Variants in LDB3 observed in about 807,000 individuals in gnomAD.
LDB3 encodes the protein LIM domain binding 3.
A neutral mutation model predicts 69.0 loss-of-function variants in LDB3; 49 were observed. That is an observed-to-expected ratio of 0.71 (90% confidence interval 0.56 to 0.90). The LOEUF (loss-of-function observed/expected upper bound fraction) is 0.90, where lower values mean the gene tolerates loss of function less well. Ranked by LOEUF, LDB3 falls within the 40% of genes least tolerant of loss-of-function variation. The pLI is 0.00. For synonymous variants in LDB3, 387 were observed against 396.2 expected, an observed-to-expected ratio of 0.98 and a Z score of 0.28; for missense variants, 928 against 974.1, an observed-to-expected ratio of 0.95 and a Z score of 0.63.
intron 7 of LDB3, among the ~76,000 whole-genome samples, chr10:86,696,298 A>G (rs1309913707): frequency 6.6e-6 from 1 of 151,358 alleles, no homozygotes; most frequent in African/African-American, 2.4e-5. Context: ...CCCTTGTAAG[A>G]AAGCAATGAA....
intron 12 of LDB3, among the ~76,000 whole-genome samples, chr10:86,721,998 G>A (rs1191399501): frequency 1.3e-5 from 2 of 151,952 alleles, no homozygotes; most frequent in African/African-American, 4.8e-5. Context: ...AATATATGAG[G>A]AGCTAGATTA....
In LDB3 at chr10:86,735,780, A is replaced by C. The variant is rs1847612186; in HGVS notation, c.*2804A>C. On this transcript the variant is annotated 3_prime_UTR_variant, in exon 14 of 14. Coordinates refer to ENST00000361373, the MANE Select transcript of LDB3 (RefSeq NM_007078.3). ...GGCAACAGGAGCGAAACTCCGTTGC[A>C]AAAAAAAAAAAAAAAAAAAAATTAT... is the stretch of plus-strand genomic sequence containing the variant. The C allele has an allele frequency of 3.0e-5, 3 of 101,640 alleles. No individual in the cohort carries two copies. The highest frequency in any genetic ancestry group is 5.9e-5 in the Non-Finnish European group (3 of 50,800). 6.3% of individuals were successfully genotyped at this position (101,640 alleles called of 1,614,324 possible).
At chr10:86,727,532 G>A (rs556510507) in intron 13 of LDB3, among the ~76,000 whole-genome samples, 10 of 152,178 alleles carry the variant, frequency 6.6e-5, no homozygotes, top group Non-Finnish European at 1.2e-4. Context: ...GGGACACACT[G>A]TATTCACTCT....
At chr10:86,694,397 C>T (rs998016665) in intron 7 of LDB3, among the ~76,000 whole-genome samples, 3 of 152,146 alleles carry the variant, frequency 2.0e-5, no homozygotes, top group African/African-American at 7.2e-5. Flanking sequence ...CGGAGCCTCT[C>T]CCCCAGCTAC....
intron 9 of LDB3, among the ~76,000 whole-genome samples, chr10:86,713,372 G>A (rs1020887349): frequency 2.0e-5 from 3 of 151,872 alleles, no homozygotes; most frequent in Non-Finnish European, 4.4e-5. Flanking sequence ...TTAGCCTCCC[G>A]AGTAGCTGGG....
chr10:86,716,507 C>T lies in LDB3; in HGVS notation c.1412C>T (p.Pro471Leu). The part of the protein sequence containing the change: ...YTPSPAPNYN[P>L]APSVAYSGGP... ...CCCTCACCTGCCCCCAACTATAACC[C>T]TGCACCCTCGGTGGCCTACAGCGGG... Residue 471 changes from proline to leucine, a missense_variant, in exon 10 of 14, where the codon CCT becomes CTT. By Grantham distance (98) the Pro-to-Leu change is moderately conservative. Transcript: ENST00000361373. The T allele has an allele frequency of 6.2e-7, 1 of 1,612,886 alleles. No individual in the cohort carries two copies. The highest frequency in any genetic ancestry group is 8.5e-7 in the Non-Finnish European group (1 of 1,179,738).
chr10:86,692,608 C>A (rs1335305315), intron 7 of LDB3, 37 bp downstream of exon 7: 2 of 1,599,280 alleles, frequency 1.3e-6, no homozygotes, highest in Non-Finnish European at 1.7e-6. Context: ...GCCTTGCCCT[C>A]TAGCCCCGTC....
chr10:86,721,099 C>T (rs1007495183), intron 12 of LDB3, among the ~76,000 whole-genome samples: 3 of 152,196 alleles, frequency 2.0e-5, no homozygotes, highest in African/African-American at 7.2e-5. Context: ...CATGAGCCAC[C>T]GTGCCTATTT....
chr10:86,735,752 C>T lies in LDB3; in HGVS notation c.*2776C>T, dbSNP rs1387199068. The T allele has an allele frequency of 7.2e-6, 1 of 138,452 alleles. No individual in the cohort carries two copies. Among genetic ancestry groups the T allele is most frequent in the African/African-American group, 2.8e-5 (1 of 35,536 alleles). The allele number at this position is 138,452 out of a possible 1,614,324, so 8.6% of individuals were successfully genotyped here. A position where few individuals can be genotyped will look rare whatever the true frequency, so the allele number is the denominator to read the frequency against. ...CGAGATTATGCCATTGCACTCCAGC[C>T]TGGGCAACAGGAGCGAAACTCCGTT... On this transcript the variant is annotated 3_prime_UTR_variant, in exon 14 of 14. Transcript: ENST00000361373.
chr10:86,692,085 G>T lies in LDB3; in HGVS notation c.859+20G>T, dbSNP rs1195062605. The T allele has an allele frequency of 6.2e-7, 1 of 1,613,656 alleles. No homozygotes were observed. The highest frequency in any genetic ancestry group is 1.7e-5 in the Admixed American group (1 of 60,014). On this transcript the variant is annotated intron_variant, in intron 6 of 13. Coordinates refer to ENST00000361373, the MANE Select transcript of LDB3 (RefSeq NM_007078.3). Reference sequence around the variant, plus strand: ...AATTCAGTGAGTGCAGGCTCTCAGGGTGGCTGCAGAGGAGGGAGATGCTGA... The same window carrying T: ...AATTCAGTGAGTGCAGGCTCTCAGGTTGGCTGCAGAGGAGGGAGATGCTGA...
At chr10:86,675,294 G>A (rs1844734145) in intron 2 of LDB3, among the ~76,000 whole-genome samples, 1 of 152,270 alleles carries the variant, frequency 6.6e-6, no homozygotes, top group Non-Finnish European at 1.5e-5. Flanking sequence ...GCCTGTGGGA[G>A]AAAGATGTCT....
At chr10:86,710,376 G>A (rs1036782754) in intron 9 of LDB3, 6 of 538,776 alleles carry the variant, frequency 1.1e-5, no homozygotes, top group Non-Finnish European at 1.2e-5. Flanking sequence ...GATCGCCTGA[G>A]GTCGGGAGTT....
Position 86,697,538 on chromosome 10 carries a change from TTTC to T in LDB3, c.896+4970_896+4972del, listed in dbSNP as rs1220388527. Among the ~76,000 whole-genome samples, 11 of 146,184 alleles carry T rather than the reference TTTC, an allele frequency of 7.5e-5. No homozygotes were observed. The East Asian group carries it at 2.3e-3, about 30-fold the overall frequency. On this transcript the variant is annotated intron_variant, in intron 7 of 13. Coordinates refer to ENST00000361373, the MANE Select transcript of LDB3 (RefSeq NM_007078.3). ...GCCCGGCCAACTTCTTTTTTTTCTT[TTTC>T]TTTCTTTCTTTTTTTTTTTTTTTTT...
chr10:86,699,284 G>T lies in LDB3; in HGVS notation c.896+6713G>T. Reference sequence around the variant, plus strand: ...CTCTCTCTCTGTGCCACAGGGAAAGGTTTGAAACGGAACGTAACAGCCCAC... The same window carrying T: ...CTCTCTCTCTGTGCCACAGGGAAAGTTTTGAAACGGAACGTAACAGCCCAC... On this transcript the variant is annotated intron_variant, in intron 7 of 13. Transcript: ENST00000361373. This position sits in a 1 kb window ranked among gnomAD's most constrained non-coding sequence, Gnocchi z 4.9. 2 of 1,612,742 alleles carry T rather than the reference G, an allele frequency of 1.2e-6. No homozygotes were observed. Among genetic ancestry groups the T allele is most frequent in the South Asian group, 2.2e-5 (2 of 91,056 alleles).
Position 86,699,157 on chromosome 10 carries a change from T to C in LDB3, c.896+6586T>C. On this transcript the variant is annotated intron_variant, in intron 7 of 13. Coordinates refer to ENST00000361373, the MANE Select transcript of LDB3 (RefSeq NM_007078.3). This position sits in a 1 kb window ranked among gnomAD's most constrained non-coding sequence, Gnocchi z 4.9. ...TCCCTCCCATGCCCTCTGCCCCACC[T>C]GTTAGACAGGGGAATGGTGAACACA... The C allele has an allele frequency of 1.0e-6, 1 of 973,362 alleles. No homozygotes were observed. Among genetic ancestry groups the C allele is most frequent in the Non-Finnish European group, 1.6e-6 (1 of 642,810 alleles). 60.3% of individuals were successfully genotyped at this position (973,362 alleles called of 1,614,324 possible). A position where few individuals can be genotyped will look rare whatever the true frequency, so the allele number is the denominator to read the frequency against.
chr10:86,681,119 C>G (rs1845095612), intron 4 of LDB3, among the ~76,000 whole-genome samples: 1 of 152,234 alleles, frequency 6.6e-6, no homozygotes, highest in Non-Finnish European at 1.5e-5. Context: ...GCAGGGGGAA[C>G]AGACACAGAA....
chr10:86,684,136 G>A (rs4934246), intron 5 of LDB3, among the ~76,000 whole-genome samples: 20,357 of 152,242 alleles, frequency 0.13, 1,571 homozygotes, highest in African/African-American at 0.21. Flanking sequence ...AAGGGCAGAC[G>A]GGCATAGGCA....
At chr10:86,702,498 G>A (rs914760170) in intron 7 of LDB3, among the ~76,000 whole-genome samples, 6 of 152,206 alleles carry the variant, frequency 3.9e-5, no homozygotes, top group Admixed American at 1.3e-4. Flanking sequence ...AAAAGGGGAC[G>A]ATGGTCAGGC....
At chr10:86,678,491 C>G (rs1044460606) in intron 2 of LDB3, among the ~76,000 whole-genome samples, 1 of 152,010 alleles carries the variant, frequency 6.6e-6, no homozygotes, top group Non-Finnish European at 1.5e-5. Flanking sequence ...AGGCGCCCAC[C>G]ACCAGGCATG....
Sources: gnomAD v4.1 joint callset for allele counts (sites outside exome capture counted in the v4.1 genomes callset) on GRCh38, gnomAD v4.1.1 for gene constraint, Gnocchi (gnomAD v3.1) non-coding constraint, MANE v1.5 for transcripts, NCBI Gene and HGNC (gene_info 2026-07-23, HGNC 2026-07-21) for gene names.